ELP3: variants seen among roughly 807,000 people sequenced by gnomAD.
ELP3 encodes the protein elongator complex protein 3.
Under a neutral mutation model 74.9 loss-of-function variants are expected in ELP3, and 56 were observed. The observed-to-expected ratio is 0.75, with a 90% CI of 0.60 to 0.93. The LOEUF (loss-of-function observed/expected upper bound fraction) is 0.93. Ranked by LOEUF, ELP3 falls within the 40% of genes least tolerant of loss-of-function variation. The pLI, the probability that ELP3 is intolerant of heterozygous loss-of-function variation, is 0.00. For synonymous variants in ELP3, 222 were observed against 239.8 expected (o/e 0.93, Z 0.68); for missense variants, 573 against 686.5 (o/e 0.83, Z 1.85).
chr8:28,133,742 G>T (rs1812871044), intron 9 of ELP3, among the ~76,000 whole-genome samples: 1 of 152,156 alleles, frequency 6.6e-6, no homozygotes. Context: ...TTCCTCTCAA[G>T]AAGTTTACTT....
intron 5 of ELP3, among the ~76,000 whole-genome samples, chr8:28,108,673 T>C (rs538818381): frequency 1.2e-3 from 177 of 152,252 alleles, no homozygotes; most frequent in Non-Finnish European, 1.9e-3. Flanking sequence ...GCCAGCCTGG[T>C]CTCGAACTGC....
At chr8:28,114,298 G>T (rs866885675) in intron 7 of ELP3, among the ~76,000 whole-genome samples, 14 of 152,120 alleles carry the variant, frequency 9.2e-5, no homozygotes, top group South Asian at 8.3e-4. Flanking sequence ...GAGGAAGCCA[G>T]CATGGTTAGA....
At chr8:28,090,475 A>ATGGG (rs201756860), upstream of ELP3, 2 of 235,028 alleles carry the variant, frequency 8.5e-6, no homozygotes, top group South Asian at 4.8e-5. Flanking sequence ...CCATAGTCTG[A>ATGGG]TGGGTGGGTG....
At chr8:28,141,634 T>C (rs1438993449) in intron 10 of ELP3, among the ~76,000 whole-genome samples, 1 of 152,216 alleles carries the variant, frequency 6.6e-6, no homozygotes, top group Admixed American at 6.5e-5. Context: ...CTCAGGGCGT[T>C]GGGACATCTT....
intron 7 of ELP3, chr8:28,118,969 G>A (rs1243842113): frequency 6.6e-6 from 1 of 152,060 alleles, no homozygotes; most frequent in Non-Finnish European, 1.5e-5. Context: ...GTAATGCTAG[G>A]TACCAGGCCC....
intron 14 of ELP3, among the ~76,000 whole-genome samples, chr8:28,185,114 C>T (rs923038723): frequency 1.3e-5 from 2 of 152,182 alleles, no homozygotes; most frequent in African/African-American, 4.8e-5. Flanking sequence ...CCATGGAAAA[C>T]AGTATCTGTT....
chr8:28,183,623 C>T (rs1236354476), intron 14 of ELP3, among the ~76,000 whole-genome samples: 1 of 152,144 alleles, frequency 6.6e-6, no homozygotes, highest in Non-Finnish European at 1.5e-5. Flanking sequence ...CAGGGTTTTG[C>T]CATGTTGCCC....
intron 7 of ELP3, among the ~76,000 whole-genome samples, chr8:28,122,223 G>T (rs1812400994): frequency 6.6e-6 from 1 of 152,074 alleles, no homozygotes; most frequent in South Asian, 2.1e-4. Context: ...TTGTGTCTGT[G>T]TTCATACAGG....
At position 28,189,678 on chromosome 8, in the gene ELP3, A is replaced by T; in HGVS notation, c.1597A>T (p.Ile533Phe). ...GVGTRNYYRKIGYRLQGPYMV... is the reference protein window; with the variant it reads ...GVGTRNYYRKFGYRLQGPYMV... ...CGGCACCAGGAATTATTATAGAAAG[A>T]TCGGCTACAGATTACAAGGCCCGTA... The change falls in exon 15 of 15, where the codon ATC becomes TTC. Residue 533 changes from isoleucine (I) to phenylalanine (F), a missense_variant. Transcript: ENST00000256398. 1.2e-6 allele frequency: 2 copies of T among 1,614,174 alleles called. No homozygotes were observed. The highest frequency in any genetic ancestry group is 1.7e-6 in the Non-Finnish European group (2 of 1,179,998).
intron 14 of ELP3, among the ~76,000 whole-genome samples, chr8:28,178,731 T>C (rs959543568): frequency 6.6e-6 from 1 of 152,240 alleles, no homozygotes; most frequent in African/African-American, 2.4e-5. Flanking sequence ...CCAAGTGGCT[T>C]TCTAAAGTGC....
At chr8:28,111,367 T>G (rs1811909036) in intron 6 of ELP3, among the ~76,000 whole-genome samples, 1 of 152,234 alleles carries the variant, frequency 6.6e-6, no homozygotes, top group Non-Finnish European at 1.5e-5. Flanking sequence ...TACAAGTTTA[T>G]TTTAAACTTG....
At chr8:28,131,229 C>T (rs2130461373) in intron 8 of ELP3, among the ~76,000 whole-genome samples, 1 of 152,322 alleles carries the variant, frequency 6.6e-6, no homozygotes, top group South Asian at 2.1e-4. Context: ...CACTAAGTTT[C>T]AGATACCTGT....
At chr8:28,158,998 T>C (rs1343569702) in intron 12 of ELP3, among the ~76,000 whole-genome samples, 1 of 152,194 alleles carries the variant, frequency 6.6e-6, no homozygotes, top group East Asian at 1.9e-4. Flanking sequence ...TAAATTCAAT[T>C]GTAAATAGTC....
chr8:28,148,300 T>C (rs1286895350), intron 10 of ELP3, among the ~76,000 whole-genome samples: 2 of 152,194 alleles, frequency 1.3e-5, no homozygotes, highest in African/African-American at 2.4e-5. Flanking sequence ...TGTCATGATA[T>C]TGACATTTCT....
upstream of ELP3, chr8:28,090,312 T>G (rs1323352930): frequency 2.5e-6 from 1 of 405,008 alleles, no homozygotes; most frequent in Non-Finnish European, 4.9e-6. Context: ...CCTGGTCTGG[T>G]GGTGAATCCT....
rs1170925878 is a variant in ELP3, at chr8:28,161,986, G to A, written c.1486-11G>A. The A allele has an allele frequency of 6.2e-7, 1 of 1,613,700 alleles. No individual in the cohort carries two copies. Among genetic ancestry groups the A allele is most frequent in the Non-Finnish European group, 8.5e-7 (1 of 1,179,818 alleles). The stretch of plus-strand genomic sequence containing the variant: ...TTTTTAATTCCCACTCCCCATTGTT[G>A]CTCCGTGCAGGGATTTGGCATGCTG... On this transcript the variant is annotated splice_polypyrimidine_tract_variant and intron_variant, in intron 13 of 14. Transcript: ENST00000256398.
At chr8:28,146,053 G>T (rs547343457) in intron 10 of ELP3, among the ~76,000 whole-genome samples, 2 of 152,198 alleles carry the variant, frequency 1.3e-5, no homozygotes, top group Admixed American at 1.3e-4. Context: ...GTTTTTAATT[G>T]GTTATTTTCC....
chr8:28,109,818 A>G (rs984701229), intron 5 of ELP3, among the ~76,000 whole-genome samples: 9 of 152,128 alleles, frequency 5.9e-5, no homozygotes, highest in Admixed American at 5.2e-4. Flanking sequence ...AGCATTTTTG[A>G]TTTTTGGATT....
chr8:28,165,426 C>CA (rs1197807451), intron 14 of ELP3, among the ~76,000 whole-genome samples: 1 of 152,166 alleles, frequency 6.6e-6, no homozygotes, highest in African/African-American at 2.4e-5. Context: ...ACTTAGGTCA[C>CA]AACTGGTGAT....
Sources: allele counts gnomAD v4.1 joint callset (sites outside exome capture counted in the v4.1 genomes callset), GRCh38; gene constraint gnomAD v4.1.1; transcripts MANE v1.5; gene names NCBI Gene and HGNC (gene_info 2026-07-23, HGNC 2026-07-21).